The following PKN2 variants were observed in gnomAD, a reference collection of about 807,000 sequenced individuals.
PKN2 encodes protein kinase N2.
In PKN2, 38 loss-of-function variants were observed where a neutral mutation model predicts 119.1. The ratio of observed to expected loss-of-function variants is 0.32; its 90% CI spans 0.25 to 0.42. The LOEUF (loss-of-function observed/expected upper bound fraction) is 0.42, where lower values mean the gene tolerates loss of function less well. Among genes scored for constraint, PKN2 ranks in the 10% least tolerant of loss-of-function variants. The pLI, the probability that PKN2 is intolerant of heterozygous loss-of-function variation, is 1.00. For synonymous variants in PKN2, 390 were observed against 384.9 expected (o/e 1.01, Z -0.15); for missense variants, 850 against 1,165.1 (o/e 0.73, Z 3.94).
intron 8 of PKN2, among the ~76,000 whole-genome samples, chr1:88,801,011 G>A (rs1479060782): frequency 6.6e-6 from 1 of 152,052 alleles, no homozygotes; most frequent in Non-Finnish European, 1.5e-5. Flanking sequence ...TTATCTAACA[G>A]CATGCCCTTG....
intron 18 of PKN2, among the ~76,000 whole-genome samples, chr1:88,825,455 A>T (rs531498774): frequency 6.6e-6 from 1 of 152,278 alleles, no homozygotes; most frequent in South Asian, 2.1e-4. Context: ...AACAAAAATC[A>T]TTTATTTTCC....
rs190531056 is a variant in PKN2, at chr1:88,705,477, G to A, written c.48+20849G>A. On this transcript the variant is annotated intron_variant, in intron 1 of 21. Coordinates refer to ENST00000370521, the MANE Select transcript of PKN2 (RefSeq NM_006256.4). ...TGGGAGGCCGAGGCAGGCAGATCAC[G>A]AGGTCAGGAGATCGAGACCATCCTG... Among the ~76,000 whole-genome samples, 450 of 151,962 alleles carry A rather than the reference G, an allele frequency of 3.0e-3. 4 individuals are homozygous for A. Among genetic ancestry groups the A allele is most frequent in the African/African-American group, 0.01 (426 of 41,448 alleles).
At chr1:88,825,056 G>T (rs905367718) in intron 18 of PKN2, among the ~76,000 whole-genome samples, 2 of 152,172 alleles carry the variant, frequency 1.3e-5, no homozygotes, top group Non-Finnish European at 2.9e-5. Context: ...GCTTCTGTTT[G>T]CTATTTAGCT....
At chr1:88,796,701 G>A (rs1045478143) in intron 8 of PKN2, among the ~76,000 whole-genome samples, 3 of 151,856 alleles carry the variant, frequency 2.0e-5, no homozygotes, top group African/African-American at 4.8e-5. Context: ...TCTCTGTTTT[G>A]TGTCATTGTG....
At chr1:88,726,327 C>G (rs974887014) in intron 1 of PKN2, among the ~76,000 whole-genome samples, 1 of 152,138 alleles carries the variant, frequency 6.6e-6, no homozygotes, top group Non-Finnish European at 1.5e-5. Flanking sequence ...TTTGTAGATA[C>G]TCTTTGTCAA....
chr1:88,820,504 G>C (rs1201922622), intron 16 of PKN2, among the ~76,000 whole-genome samples: 1 of 149,908 alleles, frequency 6.7e-6, no homozygotes, highest in Non-Finnish European at 1.5e-5. Context: ...TTGCACTCCA[G>C]CTTGGGCAAC....
At chr1:88,689,549 AC>A (rs752564402) in intron 1 of PKN2, among the ~76,000 whole-genome samples, 1 of 152,172 alleles carries the variant, frequency 6.6e-6, no homozygotes, top group Non-Finnish European at 1.5e-5. Flanking sequence ...AGTGGCTCAC[AC>A]CTGTAATTCC....
intron 6 of PKN2, among the ~76,000 whole-genome samples, chr1:88,774,940 C>T (rs80307299): frequency 0.016 from 2,505 of 152,266 alleles, 46 homozygotes; most frequent in South Asian, 0.066. Context: ...AACTCCCGGC[C>T]TCAAGTCATC....
rs190748216 is a variant in PKN2, at chr1:88,820,410, A to G, written c.2280-1531A>G. Among the ~76,000 whole-genome samples the G allele has an allele frequency of 1.9e-4, 29 of 150,392 alleles. No individual in the cohort carries two copies. The South Asian group carries it at 5.5e-3, about 28-fold the overall frequency. On this transcript the variant is annotated intron_variant, in intron 16 of 21. Coordinates refer to ENST00000370521, the MANE Select transcript of PKN2 (RefSeq NM_006256.4). ...TAGCTGGGCGTGGTGGCACATGCCT[A>G]TAATCCCAGCTACTCAGGAGGCTGA...
chr1:88,812,049 T>TTTA (rs1335157836), intron 15 of PKN2, among the ~76,000 whole-genome samples: 1 of 152,192 alleles, frequency 6.6e-6, no homozygotes, highest in Non-Finnish European at 1.5e-5. Flanking sequence ...AGGCTTAAAG[T>TTTA]TTTAAATAAA....
intron 17 of PKN2, 112 bp from the exon 18 acceptor site, chr1:88,824,198 C>T: frequency 1.7e-6 from 1 of 585,500 alleles, no homozygotes; most frequent in South Asian, 2.4e-5. Flanking sequence ...TTGGAAATCC[C>T]ATTTTTAATA....
intron 8 of PKN2, among the ~76,000 whole-genome samples, chr1:88,800,148 A>C (rs1007037674): frequency 2.6e-5 from 4 of 152,044 alleles, no homozygotes; most frequent in African/African-American, 9.7e-5. Context: ...ACTTCTATCA[A>C]AGTTTCCAGA....
chr1:88,752,687 C>T (rs1263451758), intron 2 of PKN2, among the ~76,000 whole-genome samples: 5 of 151,858 alleles, frequency 3.3e-5, no homozygotes, highest in Admixed American at 3.3e-4. Flanking sequence ...GTATTTTTTG[C>T]CTTAAAGTAT....
At chr1:88,755,026 G>T (rs1431244991) in intron 2 of PKN2, among the ~76,000 whole-genome samples, 1 of 152,112 alleles carries the variant, frequency 6.6e-6, no homozygotes, top group Non-Finnish European at 1.5e-5. Flanking sequence ...TAATCATGGG[G>T]TTTAGTTTCT....
At chr1:88,830,034 A>C (rs1204713973) in intron 19 of PKN2, among the ~76,000 whole-genome samples, 1 of 152,302 alleles carries the variant, frequency 6.6e-6, no homozygotes, top group East Asian at 1.9e-4. Flanking sequence ...CTTAAATATT[A>C]GTTCATTTAA....
rs774848808 is a variant in PKN2 at position 88,813,543 on chromosome 1, AT to A, written c.2103-10del. 8 of 1,506,116 alleles carry A rather than the reference AT, an allele frequency of 5.3e-6. No individual in the cohort carries two copies. The Admixed American group carries it at 1.7e-4, about 32-fold the overall frequency. The allele number at this position is 1,506,116 out of a possible 1,614,324, so 93.3% of individuals were successfully genotyped here. ...ATTTTTAATCTGCTTATTTTAAAAT[AT>A]TTTCTTTTACAGCCTGATGTGTGAA... On this transcript the variant is annotated splice_polypyrimidine_tract_variant and intron_variant, in intron 15 of 21. Transcript: ENST00000370521.
chr1:88,697,788 T>C (rs1316316099), intron 1 of PKN2, among the ~76,000 whole-genome samples: 1 of 152,244 alleles, frequency 6.6e-6, no homozygotes, highest in Non-Finnish European at 1.5e-5. Context: ...CCTGTATTTT[T>C]ACTACATTCT....
chr1:88,816,001 A>G (rs991879700), intron 16 of PKN2, among the ~76,000 whole-genome samples: 1 of 151,908 alleles, frequency 6.6e-6, no homozygotes, highest in Non-Finnish European at 1.5e-5. Context: ...TTAGCTGGGC[A>G]TGGTGGCAGG....
chr1:88,776,873 T>C lies in PKN2; in HGVS notation c.985+4994T>C, dbSNP rs543332512. Among the ~76,000 whole-genome samples the C allele has an allele frequency of 1.8e-3, 273 of 152,336 alleles. 1 individual carries two copies. The highest frequency in any genetic ancestry group is 5.0e-3 in the Admixed American group (76 of 15,304). On this transcript the variant is annotated intron_variant, in intron 6 of 21. Transcript: ENST00000370521. ...GTCTTGTTGCTTTCAAGCTTTTCTT[T>C]GTTTTTTCACAGTTTAATTATAATG...
Sources: allele counts gnomAD v4.1 joint callset (sites outside exome capture counted in the v4.1 genomes callset), GRCh38; gene constraint gnomAD v4.1.1; transcripts MANE v1.5; gene names NCBI Gene and HGNC (gene_info 2026-07-23, HGNC 2026-07-21).